TSPEAR: variants seen among roughly 807,000 people sequenced by gnomAD.
TSPEAR encodes the protein thrombospondin-type laminin G domain and EAR repeat-containing protein.
In TSPEAR, 69 loss-of-function variants were observed where a neutral mutation model predicts 71.6. The ratio of observed to expected loss-of-function variants is 0.96; its 90% CI spans 0.79 to 1.18. The LOEUF (loss-of-function observed/expected upper bound fraction) is 1.18, where lower values mean the gene tolerates loss of function less well. Ranked by LOEUF, TSPEAR falls within the 50% of genes most tolerant of loss-of-function variation. The pLI, the probability that TSPEAR is intolerant of heterozygous loss-of-function variation, is 0.00. For missense variants in TSPEAR, 971 were observed against 894.9 expected, an observed-to-expected ratio of 1.09 and a Z score of -1.09; for synonymous variants, 402 against 387.2, an observed-to-expected ratio of 1.04 and a Z score of -0.45.
At chr21:44,534,450 C>T (rs1160266010) in intron 2 of TSPEAR, among the ~76,000 whole-genome samples, 9 of 9,236 alleles carry the variant, frequency 9.7e-4, no homozygotes, top group Admixed American at 3.1e-3. Context: ...TGTGAGGGGG[C>T]GGGGCTGGTG....
Position 44,527,461 on chromosome 21 carries a change from G to T in TSPEAR, c.980C>A (p.Thr327Asn). 6.2e-7 allele frequency: 1 copy of T among 1,614,216 alleles called. No individual in the cohort carries two copies. The highest frequency in any genetic ancestry group is 8.5e-7 in the Non-Finnish European group (1 of 1,180,046). ...GATGCGGAACACCTCAATGCCCAGG[G>T]TCTCTGAGTTGGTGGACAAGTTCTG... ...EHQNLSTNSE[T>N]LGIEVFRIPQ... The change falls in exon 7 of 12, where the codon ACC (threonine) becomes AAC (asparagine). Residue 327 changes from threonine to asparagine, a missense_variant. Coordinates refer to ENST00000323084, the MANE Select transcript of TSPEAR (RefSeq NM_144991.3).
chr21:44,689,743 T>TTG (rs1555949535), intron 1 of TSPEAR, among the ~76,000 whole-genome samples: 18 of 47,924 alleles, frequency 3.8e-4, no homozygotes, highest in Admixed American at 2.1e-3. Flanking sequence ...ATATATATTT[T>TTG]GGGGGGGGTT....
intron 2 of TSPEAR, among the ~76,000 whole-genome samples, chr21:44,565,238 A>C (rs143245918): frequency 2.6e-5 from 4 of 152,278 alleles, no homozygotes; most frequent in Admixed American, 2.0e-4. Flanking sequence ...AGAAGAGCCA[A>C]CTCAAAGCAA....
chr21:44,680,788 A>T (rs1601559295), intron 1 of TSPEAR, among the ~76,000 whole-genome samples: 1 of 152,364 alleles, frequency 6.6e-6, no homozygotes, highest in East Asian at 1.9e-4. Context: ...ACATGTTCTC[A>T]CTCACATGTG....
At chr21:44,683,537 T>C (rs1360536816) in intron 1 of TSPEAR, among the ~76,000 whole-genome samples, 1 of 152,042 alleles carries the variant, frequency 6.6e-6, no homozygotes, top group Non-Finnish European at 1.5e-5. Context: ...GACATGGTGG[T>C]GCATGCTTGT....
At chr21:44,648,054 G>A (rs1420182396) in intron 1 of TSPEAR, among the ~76,000 whole-genome samples, 4 of 152,202 alleles carry the variant, frequency 2.6e-5, no homozygotes, top group African/African-American at 7.2e-5. Flanking sequence ...TGGAAAAGGT[G>A]CCCACACAGA....
chr21:44,644,681 A>G (rs1404314681), intron 1 of TSPEAR, among the ~76,000 whole-genome samples: 6 of 152,226 alleles, frequency 3.9e-5, no homozygotes, highest in Non-Finnish European at 2.9e-5. Context: ...AACATTTAAA[A>G]ACTCAAAGTA....
intron 9 of TSPEAR, chr21:44,518,540 C>T (rs587673992): frequency 4.5e-4 from 192 of 428,752 alleles, no homozygotes; most frequent in South Asian, 8.8e-4. Context: ...GCAGGACCTC[C>T]AGGACAGCAG....
chr21:44,603,794 A>G (rs1432245569), intron 1 of TSPEAR, among the ~76,000 whole-genome samples: 3 of 152,204 alleles, frequency 2.0e-5, no homozygotes, highest in African/African-American at 7.2e-5. Flanking sequence ...AACAATGCCT[A>G]CCGCCATCCC....
rs954030152 is a variant in TSPEAR, at chr21:44,690,445, A to G, written c.82+20988T>C. 8.7e-6 allele frequency: 6 copies of G among 687,018 alleles called. No homozygotes were observed. The South Asian group carries it at 3.9e-4, about 45-fold the overall frequency. 42.6% of individuals were successfully genotyped at this position (687,018 alleles called of 1,614,324 possible). ...ACAAGTGGTTCCCATGGGCTTCCAG[A>G]AAATCAAACAAACAAACAAATGAAC... On this transcript the variant is annotated intron_variant, in intron 1 of 11. Coordinates refer to ENST00000323084, the MANE Select transcript of TSPEAR (RefSeq NM_144991.3).
rs587729641 is a variant in TSPEAR, at chr21:44,677,663, T to C, written c.82+33770A>G. The C allele has an allele frequency of 2.5e-5, 33 of 1,338,910 alleles. No homozygotes were observed. In the African/African-American group the frequency reaches 4.7e-4, roughly 19 times the overall value. 82.9% of individuals were successfully genotyped at this position (1,338,910 alleles called of 1,614,324 possible). A position where few individuals can be genotyped will look rare whatever the true frequency, so the allele number is the denominator to read the frequency against. On this transcript the variant is annotated intron_variant, in intron 1 of 11. Transcript: ENST00000323084. ...CCCCAGGGACCAACACTGTATCACC[T>C]GCGGTTGCTGAAGCTGGAGTATCTC...
At chr21:44,500,565 C>T (rs1170408998) in intron 11 of TSPEAR, among the ~76,000 whole-genome samples, 1 of 152,212 alleles carries the variant, frequency 6.6e-6, no homozygotes, top group African/African-American at 2.4e-5. Context: ...TAAATTCTTC[C>T]AGACTGCTTT....
In TSPEAR at chr21:44,662,435, G is replaced by A. The variant is rs141482711; in HGVS notation, c.82+48998C>T. On this transcript the variant is annotated intron_variant, in intron 1 of 11. Transcript: ENST00000323084. The stretch of plus-strand genomic sequence containing the variant: ...TAAAGCATCAATTCACCATGGACAC[G>A]TAACAATTCTAAATGTGTAAGCACC... Among the ~76,000 whole-genome samples the A allele has an allele frequency of 1.3e-3, 201 of 152,246 alleles. 1 individual carries two copies. The highest frequency in any genetic ancestry group is 0.01 in the Middle Eastern group (3 of 294).
At chr21:44,688,414 C>T (rs1438903367) in intron 1 of TSPEAR, among the ~76,000 whole-genome samples, 1 of 152,138 alleles carries the variant, frequency 6.6e-6, no homozygotes, top group African/African-American at 2.4e-5. Flanking sequence ...GGATGAGGGA[C>T]TCCAGCAATG....
chr21:44,572,686 A>C (rs1405583716), intron 1 of TSPEAR, among the ~76,000 whole-genome samples: 2 of 151,928 alleles, frequency 1.3e-5, no homozygotes, highest in African/African-American at 4.8e-5. Flanking sequence ...TGTGTCCCTC[A>C]AAAGGTGCCG....
At chr21:44,536,527 A>C (rs1270400935) in intron 2 of TSPEAR, among the ~76,000 whole-genome samples, 1 of 152,244 alleles carries the variant, frequency 6.6e-6, no homozygotes, top group Non-Finnish European at 1.5e-5. Context: ...AGCAAAAAGG[A>C]AATAGAAAGA....
intron 1 of TSPEAR, among the ~76,000 whole-genome samples, chr21:44,599,520 C>A (rs1361442641): frequency 6.6e-6 from 1 of 152,238 alleles, no homozygotes; most frequent in East Asian, 1.9e-4. Context: ...CACCAGGCAC[C>A]AAGCAGCCCA....
In TSPEAR at chr21:44,647,298, C is replaced by T. The variant is rs587635293; in HGVS notation, c.82+64135G>A. 1.4e-4 allele frequency: 232 copies of T among 1,612,876 alleles called. 1 individual carries two copies. The Admixed American group carries it at 1.8e-3, about 13-fold the overall frequency. On this transcript the variant is annotated intron_variant, in intron 1 of 11. Coordinates refer to ENST00000323084, the MANE Select transcript of TSPEAR (RefSeq NM_144991.3). ...CCTGCGTGTCCCTCCTCTGCCGCCC[C>T]GCAAGCTCCCGCCTGGCCTGCTACA...
Position 44,581,739 on chromosome 21 carries a change from A to G in TSPEAR, c.83-13734T>C, listed in dbSNP as rs989327682. On this transcript the variant is annotated intron_variant, in intron 1 of 11. Coordinates refer to ENST00000323084, the MANE Select transcript of TSPEAR (RefSeq NM_144991.3). The stretch of plus-strand genomic sequence containing the variant: ...TGACTTTAATTTTGTCTCACGATGA[A>G]TGAAATACATTTTTGGCTCACTGTA... Among the ~76,000 whole-genome samples, 55 of 152,342 alleles carry G rather than the reference A, an allele frequency of 3.6e-4. 1 individual carries two copies. The highest frequency in any genetic ancestry group is 1.3e-3 in the African/African-American group (55 of 41,568).
Sources: gnomAD v4.1 joint callset for allele counts (sites outside exome capture counted in the v4.1 genomes callset) on GRCh38, gnomAD v4.1.1 for gene constraint, MANE v1.5 for transcripts, NCBI Gene and HGNC (gene_info 2026-07-23, HGNC 2026-07-21) for gene names.